SNX31: variants seen among roughly 807,000 people sequenced by gnomAD.
The protein encoded by SNX31 is sorting nexin 31.
In SNX31, 58 loss-of-function variants were observed where a neutral mutation model predicts 65.4. That is an observed-to-expected ratio of 0.89 (90% CI 0.72 to 1.10). The LOEUF is 1.10. Ranked by LOEUF, SNX31 falls within the 50% of genes least tolerant of loss-of-function variation. The pLI is 0.00. For missense variants in SNX31, 523 were observed against 529.7 expected, an observed-to-expected ratio of 0.99 and a Z score of 0.12; for synonymous variants, 181 against 190.1, an observed-to-expected ratio of 0.95 and a Z score of 0.39.
chr8:100,653,666 G>C (rs144819202), upstream of SNX31, among the ~76,000 whole-genome samples: 552 of 152,320 alleles, frequency 3.6e-3, 6 homozygotes, highest in African/African-American at 0.012. Flanking sequence ...CCAGAACTAT[G>C]AGAGAATTCA....
At position 100,604,150 on chromosome 8, in the gene SNX31, G is replaced by A. The variant is rs776425573; in HGVS notation, c.682-3709C>T. Among the ~76,000 whole-genome samples, 3 of 152,244 alleles carry A rather than the reference G, an allele frequency of 2.0e-5. No individual in the cohort carries two copies. The highest frequency in any genetic ancestry group is 1.9e-4 in the East Asian group (1 of 5,180). On this transcript the variant is annotated intron_variant, in intron 8 of 13. Transcript: ENST00000311812. The surrounding 1 kb of genome is among the most constrained non-coding windows in gnomAD (Gnocchi z 4.3). ...TGAGTAGGTCCAGACAATGAGAGTCGAGTCTAGACAAGTCTACTCAGTTAC... is the reference window on the plus strand; with the variant it reads ...TGAGTAGGTCCAGACAATGAGAGTCAAGTCTAGACAAGTCTACTCAGTTAC...
chr8:100,652,916 C>T (rs557187595), upstream of SNX31, among the ~76,000 whole-genome samples: 17 of 152,258 alleles, frequency 1.1e-4, no homozygotes, highest in South Asian at 3.1e-3. Flanking sequence ...GTGTTGCGCA[C>T]ATCACCCCAA....
intron 12 of SNX31, among the ~76,000 whole-genome samples, chr8:100,580,854 T>A (rs945723607): frequency 6.6e-6 from 1 of 152,218 alleles, no homozygotes; most frequent in Non-Finnish European, 1.5e-5. Context: ...CTCTAACTAA[T>A]ATACTTTATT....
Position 100,617,725 on chromosome 8 carries a change from T to C in SNX31, c.327A>G (p.Thr109=). The C allele has an allele frequency of 6.2e-7, 1 of 1,609,928 alleles. No homozygotes were observed. Among genetic ancestry groups the C allele is most frequent in the Admixed American group, 1.7e-5 (1 of 59,130 alleles). ...VEFLKLAQLN[T]FDIATKKAYL... ...AAGCTTTCTTGGTGGCGATGTCAAA[T>C]GTATTCTATAAGCAAAAGAAAAGCA... The change falls in exon 5 of 14, where the codon ACA becomes ACG. Residue 109 remains threonine (T), a synonymous_variant. Coordinates refer to ENST00000311812, the MANE Select transcript of SNX31 (RefSeq NM_152628.4).
Position 100,630,379 on chromosome 8 carries a change from G to C in SNX31, c.269C>G (p.Pro90Arg). Reference protein sequence around the residue: ...EQYLQNVTMDPNVLRSDVFVE... With the variant: ...EQYLQNVTMDRNVLRSDVFVE... ...GAAGACATCACTTCTCAACACGTTT[G>C]GGTCCATGGTTACTGAAAAACATGG... The change falls in exon 4 of 14, where the codon CCA becomes CGA. Residue 90 changes from proline (P) to arginine (R), a missense_variant. Transcript: ENST00000311812. The surrounding 1 kb of genome is among the most constrained non-coding windows in gnomAD (Gnocchi z 5.3). 6.2e-7 allele frequency: 1 copy of C among 1,612,958 alleles called. No homozygotes were observed. Among genetic ancestry groups the C allele is most frequent in the Admixed American group, 1.7e-5 (1 of 59,612 alleles).
At chr8:100,592,539 C>G (rs930760502) in intron 10 of SNX31, among the ~76,000 whole-genome samples, 13 of 152,138 alleles carry the variant, frequency 8.5e-5, no homozygotes, top group Non-Finnish European at 1.5e-4. Flanking sequence ...TAAAATGGTG[C>G]AGCCACTTTG....
chr8:100,607,620 A>G (rs1308958642), intron 8 of SNX31, among the ~76,000 whole-genome samples: 1 of 152,238 alleles, frequency 6.6e-6, no homozygotes, highest in Admixed American at 6.5e-5. Flanking sequence ...TATAGTAAAA[A>G]ACATTAATTG....
At chr8:100,574,760 C>G (rs751718301) in intron 13 of SNX31, among the ~76,000 whole-genome samples, 79 of 151,956 alleles carry the variant, frequency 5.2e-4, no homozygotes, top group Non-Finnish European at 9.1e-4. Context: ...ATGGTGAAAC[C>G]CCATCTCTAC....
chr8:100,598,330 C>T (rs1199223634), intron 9 of SNX31, among the ~76,000 whole-genome samples: 1 of 152,182 alleles, frequency 6.6e-6, no homozygotes, highest in Admixed American at 6.5e-5. Flanking sequence ...GGAGCTGAGT[C>T]ATCTTGTCAC....
At position 100,575,682 on chromosome 8, in the gene SNX31, G is replaced by A. The variant is rs1812993191; in HGVS notation, c.1227+1337C>T. On this transcript the variant is annotated intron_variant, in intron 13 of 13. Coordinates refer to ENST00000311812, the MANE Select transcript of SNX31 (RefSeq NM_152628.4). The surrounding 1 kb of genome is among the most constrained non-coding windows in gnomAD (Gnocchi z 5.1). ...CAGTAGGTTTGGGGCCTGAGAATTTGAATTTCTAATAAGATCCACGTGATA... is the reference window on the plus strand; with the variant it reads ...CAGTAGGTTTGGGGCCTGAGAATTTAAATTTCTAATAAGATCCACGTGATA... Among the ~76,000 whole-genome samples, 1 of 152,172 alleles carries A rather than the reference G, an allele frequency of 6.6e-6. No individual in the cohort carries two copies. The highest frequency in any genetic ancestry group is 2.4e-5 in the African/African-American group (1 of 41,422).
rs1178539340 is a variant in SNX31, at chr8:100,604,899, C to G, written c.681+3595G>C. 3.0e-4 allele frequency among the ~76,000 whole-genome samples: 46 copies of G among 150,874 alleles called. No homozygotes were observed. The highest frequency in any genetic ancestry group is 2.9e-3 in the Admixed American group (44 of 15,124). ...TTTTAAAGAATGACTGCTTCTTAGTCTTTTTTTTTCTTTTTTTTTGACAGA... is the reference window on the plus strand; with the variant it reads ...TTTTAAAGAATGACTGCTTCTTAGTGTTTTTTTTTCTTTTTTTTTGACAGA... On this transcript the variant is annotated intron_variant, in intron 8 of 13. Transcript: ENST00000311812. The surrounding 1 kb of genome is among the most constrained non-coding windows in gnomAD (Gnocchi z 4.3).
chr8:100,601,826 G>C (rs998921521), intron 8 of SNX31, among the ~76,000 whole-genome samples: 1 of 152,194 alleles, frequency 6.6e-6, no homozygotes, highest in African/African-American at 2.4e-5. Flanking sequence ...GTGGAAGCAC[G>C]TCAGGACTAT....
chr8:100,612,075 A>T lies in SNX31; in HGVS notation c.536T>A (p.Leu179Ter). 6.2e-7 allele frequency: 1 copy of T among 1,613,968 alleles called. No individual in the cohort carries two copies. ...KEGKLSVVKK[L>*]ADFELPYVSL... ...AACATAAGGGAGTTCAAAGTCAGCCAATTTTTTCACAACTAGAGAAAGGAG... is the reference window on the plus strand; with the variant it reads ...AACATAAGGGAGTTCAAAGTCAGCCTATTTTTTCACAACTAGAGAAAGGAG... The change falls in exon 7 of 14, where the codon TTG (leucine) becomes TAG (stop). Residue 179 changes from leucine (L) to a stop codon, truncating the protein, a stop_gained. Transcript: ENST00000311812. LOFTEE classifies it high-confidence loss of function. This position sits in a 1 kb window ranked among gnomAD's most constrained non-coding sequence, Gnocchi z 4.3.
chr8:100,588,813 G>T lies in SNX31; in HGVS notation c.1092+53C>A. The T allele has an allele frequency of 1.5e-6, 2 of 1,374,682 alleles. No individual in the cohort carries two copies. Among genetic ancestry groups the T allele is most frequent in the Non-Finnish European group, 2.1e-6 (2 of 966,942 alleles). The allele number at this position is 1,374,682 out of a possible 1,614,324, so 85.2% of individuals were successfully genotyped here. A position where few individuals can be genotyped will look rare whatever the true frequency, so the allele number is the denominator to read the frequency against. On this transcript the variant is annotated intron_variant, in intron 11 of 13. Transcript: ENST00000311812. The surrounding 1 kb of genome is among the most constrained non-coding windows in gnomAD (Gnocchi z 4.8). Reference sequence around the variant, plus strand: ...TCATGTGCTTCATCCACCCCAGCAAGCAAGACAGCATTTCAGCACAGAGGG... The same window carrying T: ...TCATGTGCTTCATCCACCCCAGCAATCAAGACAGCATTTCAGCACAGAGGG...
At position 100,588,860 on chromosome 8, in the gene SNX31, A is replaced by G. The variant is rs1401922390; in HGVS notation, c.1092+6T>C. The G allele has an allele frequency of 1.2e-6, 2 of 1,603,466 alleles. No individual in the cohort carries two copies. The highest frequency in any genetic ancestry group is 1.1e-5 in the South Asian group (1 of 90,784). On this transcript the variant is annotated splice_donor_region_variant and intron_variant, in intron 11 of 13. Transcript: ENST00000311812. This position sits in a 1 kb window ranked among gnomAD's most constrained non-coding sequence, Gnocchi z 4.8. ...AGGGTGTTCAAGGTCTGCCCTGAGA[A>G]CTCACCTGTTTGGTGTAAATAACAA...
At chr8:100,596,557 C>T (rs1815108131) in intron 10 of SNX31, 82 bp downstream of exon 10, 3 of 1,176,750 alleles carry the variant, frequency 2.5e-6, no homozygotes, top group Non-Finnish European at 2.5e-6. Flanking sequence ...AATGGCAAAC[C>T]TGTCTCCCTA....
rs1554570506 is a variant in SNX31 at position 100,581,337 on chromosome 8, C to CTATCTATA, written c.1170+2773_1170+2774insTATAGATA. ...TATATATCTATATCTATCTATCTAT[C>CTATCTATA]TATATATATATATATATATAATTTA... On this transcript the variant is annotated intron_variant, in intron 12 of 13. Transcript: ENST00000311812. 4.1e-4 allele frequency among the ~76,000 whole-genome samples: 52 copies of CTATCTATA among 125,466 alleles called. 1 individual carries two copies. The highest frequency in any genetic ancestry group is 1.5e-3 in the African/African-American group (49 of 32,200). The allele number at this position is 125,466 out of a possible 152,430, so 82.3% of individuals were successfully genotyped here.
At position 100,594,770 on chromosome 8, in the gene SNX31, A is replaced by T. The variant is rs1814912775; in HGVS notation, c.978+1869T>A. ...TAAAAAGTAAACATGCAATTACCGTACGACCCAGCAATTGCACTTGTGGGC... is the reference window on the plus strand; with the variant it reads ...TAAAAAGTAAACATGCAATTACCGTTCGACCCAGCAATTGCACTTGTGGGC... On this transcript the variant is annotated intron_variant, in intron 10 of 13. Transcript: ENST00000311812. The surrounding 1 kb of genome is among the most constrained non-coding windows in gnomAD (Gnocchi z 4.0). 6.6e-6 allele frequency among the ~76,000 whole-genome samples: 1 copy of T among 152,252 alleles called. No homozygotes were observed.
At chr8:100,615,809 G>A (rs540983356) in intron 5 of SNX31, among the ~76,000 whole-genome samples, 1 of 152,052 alleles carries the variant, frequency 6.6e-6, no homozygotes, top group African/African-American at 2.4e-5. Flanking sequence ...TTGCTCTGTC[G>A]CCCAGGCTGG....
Sources: allele counts gnomAD v4.1 joint callset (sites outside exome capture counted in the v4.1 genomes callset), GRCh38; gene constraint gnomAD v4.1.1; non-coding constraint Gnocchi (gnomAD v3.1); transcripts MANE v1.5; gene names NCBI Gene and HGNC (gene_info 2026-07-23, HGNC 2026-07-21).